The following VGLL4 variants were observed in gnomAD, a reference collection of about 807,000 sequenced individuals.
VGLL4 encodes the protein vestigial like family member 4.
In VGLL4, 7 loss-of-function variants were observed where a neutral mutation model predicts 21.0. The ratio of observed to expected loss-of-function variants is 0.33; its 90% CI spans 0.19 to 0.63. VGLL4 has a LOEUF of 0.63. VGLL4 is among the 20% of genes least tolerant of loss of function. The pLI, the probability that VGLL4 is intolerant of heterozygous loss-of-function variation, is 0.78. For synonymous variants in VGLL4, 222 were observed against 173.2 expected (o/e 1.28, Z -2.21); for missense variants, 394 against 425.7 (o/e 0.93, Z 0.66).
At chr3:11,695,616 C>T (rs918233003) in intron 2 of VGLL4, among the ~76,000 whole-genome samples, 1 of 152,108 alleles carries the variant, frequency 6.6e-6, no homozygotes, top group Admixed American at 6.5e-5. Context: ...AAGGAATGCA[C>T]TTAAAAGTTC....
At position 11,565,287 on chromosome 3, in the gene VGLL4, CTG is replaced by C. The variant is rs1223147274; in HGVS notation, c.273-270_273-269del. Reference sequence around the variant, plus strand: ...ACTCAGTGGCGTCCTCTGCCTGACTCTGTGTTCACTTCTATAATAATCTCCAC... The same window carrying C: ...ACTCAGTGGCGTCCTCTGCCTGACTCTGTTCACTTCTATAATAATCTCCAC... On this transcript the variant is annotated intron_variant, in intron 2 of 4. Transcript: ENST00000430365. The surrounding 1 kb of genome is among the most constrained non-coding windows in gnomAD (Gnocchi z 4.1). 1.3e-5 allele frequency among the ~76,000 whole-genome samples: 2 copies of C among 152,094 alleles called. No homozygotes were observed. The highest frequency in any genetic ancestry group is 2.4e-5 in the African/African-American group (1 of 41,394).
intron 2 of VGLL4, among the ~76,000 whole-genome samples, chr3:11,658,335 T>G (rs2075986151): frequency 6.6e-6 from 1 of 152,004 alleles, no homozygotes; most frequent in African/African-American, 2.4e-5. Context: ...CTACCATATT[T>G]TATTTATAGC....
chr3:11,680,486 G>A (rs1446584144), intron 2 of VGLL4, among the ~76,000 whole-genome samples: 1 of 152,288 alleles, frequency 6.6e-6, no homozygotes, highest in East Asian at 1.9e-4. Context: ...AAATCAAGAT[G>A]ATCACAGGGC....
intron 1 of VGLL4, among the ~76,000 whole-genome samples, chr3:11,712,139 C>T (rs913111027): frequency 6.6e-6 from 1 of 152,154 alleles, no homozygotes; most frequent in African/African-American, 2.4e-5. Context: ...GTTAAGTCAA[C>T]AGAGCCAGGA....
chr3:11,600,000 A>C (rs528330497), intron 2 of VGLL4, among the ~76,000 whole-genome samples: 1 of 152,174 alleles, frequency 6.6e-6, no homozygotes, highest in Non-Finnish European at 1.5e-5. Context: ...AGGCATTTTG[A>C]TTAAAAGGCA....
intron 2 of VGLL4, among the ~76,000 whole-genome samples, chr3:11,594,234 T>C (rs1174427688): frequency 6.6e-6 from 1 of 152,238 alleles, no homozygotes; most frequent in East Asian, 1.9e-4. Context: ...ATCACTGGTG[T>C]TGGTGTCACA....
At chr3:11,604,541 A>T in intron 1 of VGLL4, 1 of 939,598 alleles carries the variant, frequency 1.1e-6, no homozygotes, top group Non-Finnish European at 1.3e-6. Context: ...TGTATGTTAG[A>T]CAAGAGTGGT....
rs2072538755 is a variant in VGLL4, at chr3:11,557,408, ACACAAACCC to A, written c.*1139_*1147del. ...TTTCTGCATGTAGGGAAGTTGGAAG[ACACAAACCC>A]CACCTCCCCTGGGAGCTTGTAACAA... On this transcript the variant is annotated 3_prime_UTR_variant, in exon 5 of 5. Coordinates refer to ENST00000430365, the MANE Select transcript of VGLL4 (RefSeq NM_001128219.3). 1 of 152,776 alleles carries A rather than the reference ACACAAACCC, an allele frequency of 6.5e-6. No individual in the cohort carries two copies. The highest frequency in any genetic ancestry group is 2.4e-5 in the African/African-American group (1 of 41,454). 9.5% of individuals were successfully genotyped at this position (152,776 alleles called of 1,614,324 possible). A position where few individuals can be genotyped will look rare whatever the true frequency, so the allele number is the denominator to read the frequency against.
chr3:11,637,703 G>C (rs2075614438), intron 1 of VGLL4, among the ~76,000 whole-genome samples: 1 of 152,082 alleles, frequency 6.6e-6, no homozygotes, highest in African/African-American at 2.4e-5. Flanking sequence ...TAATTCCTTC[G>C]AACTTACAGA....
intron 2 of VGLL4, chr3:11,582,480 T>G (rs2074255471): frequency 9.8e-6 from 10 of 1,025,194 alleles, no homozygotes; most frequent in Non-Finnish European, 1.4e-5. Flanking sequence ...CAATAAAAGT[T>G]TCCTATGGGT....
intron 2 of VGLL4, among the ~76,000 whole-genome samples, chr3:11,584,799 G>A (rs1423145217): frequency 4.8e-5 from 7 of 145,654 alleles, no homozygotes; most frequent in African/African-American, 2.5e-5. Context: ...CTTGAAAAGA[G>A]AAAAAAAAAA....
intron 2 of VGLL4, among the ~76,000 whole-genome samples, chr3:11,677,383 CT>C (rs945444583): frequency 1.3e-5 from 2 of 152,052 alleles, no homozygotes; most frequent in Non-Finnish European, 2.9e-5. Context: ...GATCCTCCCA[CT>C]TCAGCCTCCT....
chr3:11,699,079 G>A (rs1002781231), intron 2 of VGLL4, among the ~76,000 whole-genome samples: 2 of 152,150 alleles, frequency 1.3e-5, no homozygotes, highest in Admixed American at 6.5e-5. Flanking sequence ...TGAGGAGAAC[G>A]TTAACCTCCC....
upstream of VGLL4, among the ~76,000 whole-genome samples, chr3:11,646,681 T>C (rs1006749186): frequency 2.6e-5 from 4 of 152,184 alleles, no homozygotes; most frequent in Non-Finnish European, 4.4e-5. Context: ...GAATAAAATA[T>C]TTGGTAACGT....
intron 2 of VGLL4, among the ~76,000 whole-genome samples, chr3:11,692,174 A>C (rs2125393812): frequency 6.6e-6 from 1 of 152,370 alleles, no homozygotes; most frequent in South Asian, 2.1e-4. Flanking sequence ...ACAGCTATTC[A>C]GTGGAAGAAT....
chr3:11,556,870 C>G lies in VGLL4; in HGVS notation c.*1686G>C, dbSNP rs964248644. 2.6e-5 allele frequency: 4 copies of G among 152,690 alleles called. No homozygotes were observed. Among genetic ancestry groups the G allele is most frequent in the African/African-American group, 9.7e-5 (4 of 41,414 alleles). 9.5% of individuals were successfully genotyped at this position (152,690 alleles called of 1,614,324 possible). ...CAGTACAGTGGGAGTGAAATGTGTG[C>G]GGGGCAAGGAGAAGGGCTTTTCTTT... is the stretch of plus-strand genomic sequence containing the variant. On this transcript the variant is annotated 3_prime_UTR_variant, in exon 5 of 5. Coordinates refer to ENST00000430365, the MANE Select transcript of VGLL4 (RefSeq NM_001128219.3).
intron 2 of VGLL4, among the ~76,000 whole-genome samples, chr3:11,682,183 C>T (rs1190817704): frequency 1.3e-5 from 2 of 152,062 alleles, no homozygotes; most frequent in Non-Finnish European, 2.9e-5. Context: ...GCAGGTGGAT[C>T]ACTTGAGGTC....
At chr3:11,582,433 G>GA in intron 2 of VGLL4, 1 of 1,489,358 alleles carries the variant, frequency 6.7e-7, no homozygotes, top group Non-Finnish European at 9.0e-7. Flanking sequence ...CTGAAAGGAG[G>GA]GTTGCGAGGT....
intron 2 of VGLL4, among the ~76,000 whole-genome samples, chr3:11,573,316 G>GAAGGAAGAAAGA (rs2073910741): frequency 1.9e-4 from 4 of 20,748 alleles, no homozygotes; most frequent in African/African-American, 3.2e-4. Flanking sequence ...AGGAAGGAAG[G>GAAGGAAGAAAGA]AAGAAAGAAA....
Sources: gnomAD v4.1 joint callset for allele counts (sites outside exome capture counted in the v4.1 genomes callset) on GRCh38, gnomAD v4.1.1 for gene constraint, Gnocchi (gnomAD v3.1) non-coding constraint, MANE v1.5 for transcripts, NCBI Gene and HGNC (gene_info 2026-07-23, HGNC 2026-07-21) for gene names.